Variants in GPHN observed in about 807,000 individuals in gnomAD.
The protein encoded by GPHN is gephyrin.
In GPHN, 17 loss-of-function variants were observed where a neutral mutation model predicts 95.5. The observed-to-expected ratio is 0.18, with a 90% CI of 0.12 to 0.27. The LOEUF is 0.27. Ranked by LOEUF, GPHN falls within the 10% of genes least tolerant of loss-of-function variation. GPHN has a pLI of 1.00. For synonymous variants in GPHN, 320 were observed against 322.5 expected, an observed-to-expected ratio of 0.99 and a Z score of 0.08; for missense variants, 660 against 978.1, an observed-to-expected ratio of 0.67 and a Z score of 4.34.
At chr14:67,237,098 A>T in the GPHN span, among the ~76,000 whole-genome samples, 1 of 151,778 alleles carries the variant, frequency 6.6e-6, no homozygotes, top group Non-Finnish European at 1.5e-5. Context: ...TCAAAAAACG[A>T]AAATATATTA....
At chr14:67,217,421 G>A in the GPHN span, among the ~76,000 whole-genome samples, 1 of 152,140 alleles carries the variant, frequency 6.6e-6, no homozygotes, top group Non-Finnish European at 1.5e-5. Context: ...GGTTATTAGT[G>A]ATAGGTAAAG....
chr14:67,673,637 A>C, the GPHN span, among the ~76,000 whole-genome samples: 1 of 152,218 alleles, frequency 6.6e-6, no homozygotes, highest in Non-Finnish European at 1.5e-5. Context: ...TATGACCTTG[A>C]GTAATTCGTT....
At chr14:67,701,681 CA>C in the GPHN span, among the ~76,000 whole-genome samples, 1 of 152,082 alleles carries the variant, frequency 6.6e-6, no homozygotes, top group East Asian at 1.9e-4. Context: ...TTCAGCCTCC[CA>C]AAGTGCTGGG....
At chr14:67,636,852 G>C in the GPHN span, among the ~76,000 whole-genome samples, 1 of 152,128 alleles carries the variant, frequency 6.6e-6, no homozygotes, top group Non-Finnish European at 1.5e-5. Flanking sequence ...GAAATTTCAG[G>C]CTCCTCTTGT....
chr14:67,007,312 T>C (rs1472580147), intron 9 of GPHN, among the ~76,000 whole-genome samples: 1 of 152,240 alleles, frequency 6.6e-6, no homozygotes, highest in Admixed American at 6.5e-5. Context: ...TTTTGCTTAA[T>C]TTATTAATGT....
chr14:67,349,189 G>A, the GPHN span: 1 of 1,266,670 alleles, frequency 7.9e-7, no homozygotes, highest in Non-Finnish European at 1.1e-6. Flanking sequence ...AACATTAAAT[G>A]AGACCAAGAG....
the GPHN span, among the ~76,000 whole-genome samples, chr14:67,564,503 G>A: frequency 3.3e-5 from 5 of 152,162 alleles, no homozygotes; most frequent in South Asian, 8.3e-4. Flanking sequence ...TGTCGCCCAG[G>A]CTGGAGTGCA....
intron 9 of GPHN, among the ~76,000 whole-genome samples, chr14:66,996,531 TTTA>T (rs2071809897): frequency 6.6e-6 from 1 of 152,166 alleles, no homozygotes; most frequent in Non-Finnish European, 1.5e-5. Flanking sequence ...AATTAGGTAA[TTTA>T]TTATTAAACT....
At chr14:67,606,973 T>C in the GPHN span, among the ~76,000 whole-genome samples, 1 of 152,168 alleles carries the variant, frequency 6.6e-6, no homozygotes, top group Non-Finnish European at 1.5e-5. Context: ...AAAAGCCTGA[T>C]ATATTCAAAA....
At chr14:67,188,819 C>CT in the GPHN span, among the ~76,000 whole-genome samples, 1 of 148,594 alleles carries the variant, frequency 6.7e-6, no homozygotes, top group Non-Finnish European at 1.5e-5. Flanking sequence ...CTTTCTTTTT[C>CT]TTTTTCTTTC....
At chr14:67,157,649 C>T (rs142341919) in intron 18 of GPHN, among the ~76,000 whole-genome samples, 48 of 152,100 alleles carry the variant, frequency 3.2e-4, no homozygotes, top group Middle Eastern at 6.8e-3. Flanking sequence ...CATGGTGAAA[C>T]GCTCTCTCTC....
intron 1 of GPHN, among the ~76,000 whole-genome samples, chr14:66,625,403 T>C (rs2063487623): frequency 6.6e-6 from 1 of 152,168 alleles, no homozygotes; most frequent in Admixed American, 6.5e-5. Context: ...AATTTTCATA[T>C]ATTATTTACT....
chr14:67,098,751 G>A (rs1340870398), intron 12 of GPHN, among the ~76,000 whole-genome samples: 4 of 151,840 alleles, frequency 2.6e-5, no homozygotes, highest in African/African-American at 4.8e-5. Flanking sequence ...GAACGCGGGA[G>A]GCAGAGGTTG....
chr14:66,891,273 A>C (rs1480784609), intron 5 of GPHN, among the ~76,000 whole-genome samples: 1 of 152,198 alleles, frequency 6.6e-6, no homozygotes, highest in Non-Finnish European at 1.5e-5. Context: ...TCTTATTTTT[A>C]TACAATGACA....
rs529247142 is a variant in GPHN at position 67,059,029 on chromosome 14, A to AT, written c.1144+243_1144+244insT. ...TTAAAAAAAGGAAAAAAAAAAAAAA[A>AT]GGAAGAAAATCAGCTGTGTTTCTGC... On this transcript the variant is annotated intron_variant, in intron 11 of 22. Transcript: ENST00000478722. 1.8e-3 allele frequency: 1,020 copies of AT among 556,872 alleles called. 8 individuals carry two copies. The highest frequency in any genetic ancestry group is 0.017 in the African/African-American group (889 of 52,190). The allele number at this position is 556,872 out of a possible 1,614,324, so 34.5% of individuals were successfully genotyped here.
At chr14:67,639,910 G>T in the GPHN span, among the ~76,000 whole-genome samples, 1 of 122,824 alleles carries the variant, frequency 8.1e-6, no homozygotes, top group African/African-American at 3.2e-5. Context: ...GCATGATAGC[G>T]CAAGACCCTG....
chr14:66,510,091 G>A (rs2057980386), intron 1 of GPHN, among the ~76,000 whole-genome samples: 1 of 152,150 alleles, frequency 6.6e-6, no homozygotes, highest in South Asian at 2.1e-4. Flanking sequence ...CAGAAGGTGC[G>A]CTGTTCTCTT....
At chr14:67,186,429 T>C (rs1454497632), downstream of GPHN, among the ~76,000 whole-genome samples, 1 of 152,094 alleles carries the variant, frequency 6.6e-6, no homozygotes, top group Non-Finnish European at 1.5e-5. Flanking sequence ...ATATGTTAAA[T>C]AGGTGTTGGA....
chr14:67,725,925 C>A, the GPHN span: 1 of 762,228 alleles, frequency 1.3e-6, no homozygotes, highest in South Asian at 1.4e-5. Context: ...GCAAGTGACT[C>A]CTATCAAAAT....
Sources: allele counts gnomAD v4.1 joint callset (sites outside exome capture counted in the v4.1 genomes callset), GRCh38; gene constraint gnomAD v4.1.1; transcripts MANE v1.5; gene names NCBI Gene and HGNC (gene_info 2026-07-23, HGNC 2026-07-21).